The following MSN variants were observed in gnomAD, a reference collection of about 807,000 sequenced individuals.
MSN encodes the protein epididymis luminal protein 70.
A neutral mutation model predicts 48.0 loss-of-function variants in MSN; 2 were observed. That is an observed-to-expected ratio of 0.04 (90% CI 0.02 to 0.13). The LOEUF (loss-of-function observed/expected upper bound fraction) is 0.13, where lower values mean the gene tolerates loss of function less well. MSN is among the 10% of genes least tolerant of loss of function. MSN has a pLI of 1.00. For synonymous variants in MSN, 146 were observed against 166.9 expected (o/e 0.87, Z 0.97); for missense variants, 267 against 470.1 (o/e 0.57, Z 3.99).
chrX:65,686,466 T>G (rs1234342110), intron 1 of MSN, among the ~76,000 whole-genome samples: 1 of 112,931 alleles, frequency 8.9e-6, no homozygotes, highest in Non-Finnish European at 1.9e-5. Context: ...GGAAGCTGCC[T>G]GCACACTCTT....
chrX:65,671,976 C>A (rs966052980), intron 1 of MSN, among the ~76,000 whole-genome samples: 1 of 112,160 alleles, frequency 8.9e-6, no homozygotes, highest in South Asian at 3.7e-4. Context: ...ACTACTTTAC[C>A]GAATGATGGA....
chrX:65,637,256 G>A (rs2070611913), intron 1 of MSN, among the ~76,000 whole-genome samples: 1 of 107,778 alleles, frequency 9.3e-6, no homozygotes, highest in East Asian at 2.9e-4. Context: ...TACAAAATTA[G>A]CCCGGTGTGG....
At chrX:65,667,607 G>C, upstream of MSN, 1 of 940,132 alleles carries the variant, frequency 1.1e-6, no homozygotes, top group Non-Finnish European at 1.3e-6. Context: ...GGCGGGGAGC[G>C]GCGCGGAAGC....
intron 1 of MSN, among the ~76,000 whole-genome samples, chrX:65,598,481 T>C (rs1386488681): frequency 9.0e-6 from 1 of 111,013 alleles, no homozygotes. Context: ...AATATGATAA[T>C]ATGATAGTGG....
intron 1 of MSN, among the ~76,000 whole-genome samples, chrX:65,595,574 T>C (rs1184632895): frequency 8.9e-6 from 1 of 111,896 alleles, no homozygotes; most frequent in African/African-American, 3.3e-5. Context: ...TCTTTAGCGG[T>C]TGCTACAGCA....
At chrX:65,616,137 T>C (rs779986032) in intron 1 of MSN, among the ~76,000 whole-genome samples, 35 of 111,661 alleles carry the variant, frequency 3.1e-4, no homozygotes, top group African/African-American at 1.1e-3. Flanking sequence ...AGTCAGGTAG[T>C]GTGATGCCTC....
At chrX:65,735,818 A>G (rs1037016413) in intron 8 of MSN, among the ~76,000 whole-genome samples, 3 of 112,213 alleles carry the variant, frequency 2.7e-5, no homozygotes, top group African/African-American at 9.7e-5. Flanking sequence ...GACGAACATA[A>G]TAAATAAGCA....
chrX:65,667,954 G>A lies in MSN; in HGVS notation c.12+101G>A, dbSNP rs181927399. 12 of 948,951 alleles carry A rather than the reference G, an allele frequency of 1.3e-5. No individual in the cohort carries two copies. In the East Asian group the frequency reaches 3.7e-4, roughly 29 times the overall value. 78.2% of individuals were successfully genotyped at this position (948,951 alleles called of 1,213,427 possible). A position where few individuals can be genotyped will look rare whatever the true frequency, so the allele number is the denominator to read the frequency against. ...GCTTGGCCAGCCACCGGCCCGCCTG[G>A]GACGCCGCGCCCTCCGCCATAGCCA... is the stretch of plus-strand genomic sequence containing the variant. On this transcript the variant is annotated intron_variant, in intron 1 of 12. Coordinates refer to ENST00000360270, the MANE Select transcript of MSN (RefSeq NM_002444.3).
rs778424444 is a variant in MSN at position 65,616,871 on chromosome X, A to G, written c.-22+28259A>G. On this transcript the variant is annotated intron_variant, in intron 1 of 3. Coordinates refer to the MSN transcript ENST00000609672. Reference sequence around the variant, plus strand: ...TCATAGATAGCTCTTATTATTTTGAAATACGTCCCATCAATACCTAATTTA... The same window carrying G: ...TCATAGATAGCTCTTATTATTTTGAGATACGTCCCATCAATACCTAATTTA... Among the ~76,000 whole-genome samples, 542 of 110,217 alleles carry G rather than the reference A, an allele frequency of 4.9e-3. 4 individuals carry two copies. Among genetic ancestry groups the G allele is most frequent in the African/African-American group, 0.015 (467 of 30,215 alleles).
At chrX:65,635,259 T>A (rs2070590097) in intron 1 of MSN, among the ~76,000 whole-genome samples, 1 of 110,996 alleles carries the variant, frequency 9.0e-6, no homozygotes, top group African/African-American at 3.3e-5. Context: ...TCTCCTTTTG[T>A]TTTTTGATGT....
chrX:65,663,117 G>A (rs994164834), upstream of MSN, among the ~76,000 whole-genome samples: 4 of 110,233 alleles, frequency 3.6e-5, no homozygotes, highest in Non-Finnish European at 5.7e-5. Flanking sequence ...AATTAGCAAG[G>A]CGTGGTGGCA....
At chrX:65,679,835 C>T (rs907406256) in intron 1 of MSN, among the ~76,000 whole-genome samples, 2 of 112,655 alleles carry the variant, frequency 1.8e-5, no homozygotes, top group African/African-American at 6.5e-5. Flanking sequence ...GAAGTCTTGG[C>T]ATCTGTTTTC....
intron 1 of MSN, among the ~76,000 whole-genome samples, chrX:65,660,900 A>G (rs1352209741): frequency 8.9e-6 from 1 of 111,792 alleles, no homozygotes; most frequent in Non-Finnish European, 1.9e-5. Context: ...AAAGGCTTTC[A>G]GCTTTTCCCC....
At chrX:65,589,340 C>T (rs772268331) in intron 1 of MSN, among the ~76,000 whole-genome samples, 1 of 111,595 alleles carries the variant, frequency 9.0e-6, no homozygotes, top group African/African-American at 3.3e-5. Context: ...ACTATTCTCT[C>T]AGAGCCACCA....
chrX:65,650,426 GTTCTCAGGCTTCCAGC>G (rs1194768339), intron 1 of MSN, among the ~76,000 whole-genome samples: 4 of 112,331 alleles, frequency 3.6e-5, no homozygotes, highest in Non-Finnish European at 7.5e-5. Flanking sequence ...AGATGTATGT[GTTCTCAGGCTTCCAGC>G]TTCTCTCCTA....
chrX:65,608,199 C>T lies in MSN; in HGVS notation c.-22+19587C>T, dbSNP rs187458156. On this transcript the variant is annotated intron_variant, in intron 1 of 3. Coordinates refer to the MSN transcript ENST00000609672. ...TATGGGCTGGGCAGAGCCTGTCAGTCGGTATGAGACTGTGTGTGAGTTAAA... is the reference window on the plus strand; with the variant it reads ...TATGGGCTGGGCAGAGCCTGTCAGTTGGTATGAGACTGTGTGTGAGTTAAA... Among the ~76,000 whole-genome samples the T allele has an allele frequency of 9.9e-5, 11 of 111,186 alleles. No individual in the cohort carries two copies. The East Asian group carries it at 2.0e-3, about 20-fold the overall frequency.
chrX:65,728,031 CTGTT>C, intron 3 of MSN, 122 bp downstream of exon 3: 1 of 556,788 alleles, frequency 1.8e-6, no homozygotes, highest in Non-Finnish European at 2.9e-6. Context: ...ACTGGGTGGT[CTGTT>C]GACCACTTGG....
At chrX:65,623,678 G>A (rs1479769867) in intron 1 of MSN, among the ~76,000 whole-genome samples, 1 of 109,442 alleles carries the variant, frequency 9.1e-6, no homozygotes. Flanking sequence ...GGGGCATGGT[G>A]GCAGGCACCT....
At chrX:65,676,760 G>T (rs1401649422) in intron 1 of MSN, among the ~76,000 whole-genome samples, 16 of 110,993 alleles carry the variant, frequency 1.4e-4, no homozygotes, top group African/African-American at 5.2e-4. Flanking sequence ...TTTAGATAAG[G>T]TTCCTGATCT....
Sources: gnomAD v4.1 joint callset for allele counts (sites outside exome capture counted in the v4.1 genomes callset) on GRCh38, gnomAD v4.1.1 for gene constraint, MANE v1.5 for transcripts, NCBI Gene and HGNC (gene_info 2026-07-23, HGNC 2026-07-21) for gene names.